Variants in TARS3 observed in about 807,000 individuals in gnomAD.
The protein encoded by TARS3 is threonyl-tRNA synthetase 3.
In TARS3, 94 loss-of-function variants were observed where a neutral mutation model predicts 103.5. The observed-to-expected ratio is 0.91, with a 90% CI of 0.77 to 1.08. The LOEUF is 1.08. Among genes scored for constraint, TARS3 ranks in the 50% least tolerant of loss-of-function variants. TARS3 has a pLI of 0.00. For synonymous variants in TARS3, 416 were observed against 355.4 expected, an observed-to-expected ratio of 1.17 and a Z score of -1.92; for missense variants, 952 against 995.2, an observed-to-expected ratio of 0.96 and a Z score of 0.58.
intron 10 of TARS3, among the ~76,000 whole-genome samples, chr15:101,691,274 T>G (rs933330840): frequency 7.4e-6 from 1 of 135,542 alleles, no homozygotes; most frequent in Admixed American, 8.1e-5. Context: ...ACCTCAGTAT[T>G]TATATATATA....
At chr15:101,702,414 A>G (rs1299029980) in intron 8 of TARS3, 29 bp from the exon 9 acceptor site, 4 of 1,585,702 alleles carry the variant, frequency 2.5e-6, no homozygotes, top group Non-Finnish European at 2.6e-6. Flanking sequence ...TTTGGTAAAT[A>G]TATCATACAT....
chr15:101,708,354 ATATT>A (rs1899685949), intron 6 of TARS3, among the ~76,000 whole-genome samples: 3 of 151,988 alleles, frequency 2.0e-5, no homozygotes, highest in African/African-American at 7.2e-5. Flanking sequence ...AATCAGGAAT[ATATT>A]TAAGTACGTT....
chr15:101,690,657 T>A (rs1240442299), intron 10 of TARS3, among the ~76,000 whole-genome samples: 1 of 152,244 alleles, frequency 6.6e-6, no homozygotes, highest in Non-Finnish European at 1.5e-5. Context: ...ACTAACTGCA[T>A]AGTGCTTTAT....
intron 10 of TARS3, among the ~76,000 whole-genome samples, chr15:101,691,578 C>A (rs1230258901): frequency 6.6e-6 from 1 of 152,152 alleles, no homozygotes; most frequent in Non-Finnish European, 1.5e-5. Context: ...CTATGCCCAG[C>A]CTTTTAAATT....
chr15:101,721,139 C>G lies in TARS3; in HGVS notation c.553G>C (p.Ala185Pro), dbSNP rs1372965460. The G allele has an allele frequency of 1.9e-6, 3 of 1,594,732 alleles. No individual in the cohort carries two copies. The highest frequency in any genetic ancestry group is 2.6e-6 in the Non-Finnish European group (3 of 1,164,134). ...ACTGCGGTTTACCTAATTTCAGCAG[C>G]CACTTGGTAAGGCGTTGTTTTCCAG... ...EVWKTTPYQV[A>P]AEISQELAES... The change falls in exon 3 of 19, where the codon GCT becomes CCT. Residue 185 changes from alanine to proline, a missense_variant. Ala to Pro is a conservative substitution (Grantham distance 27, BLOSUM62 -1). This residue lies in a region of TARS3 where 412 missense variants were observed against 364.2 expected (regional missense o/e 1.13). Transcript: ENST00000335968.
intron 15 of TARS3, among the ~76,000 whole-genome samples, chr15:101,665,602 A>C (rs75552729): frequency 2.6e-5 from 4 of 152,188 alleles, no homozygotes; most frequent in Non-Finnish European, 5.9e-5. Context: ...AACAACATAC[A>C]GTGTAGATGA....
chr15:101,700,091 T>C (rs762751603), intron 10 of TARS3, among the ~76,000 whole-genome samples: 6 of 152,150 alleles, frequency 3.9e-5, no homozygotes, highest in Non-Finnish European at 8.8e-5. Flanking sequence ...GCAAGGAGAT[T>C]TGTAGTTTTT....
intron 12 of TARS3, among the ~76,000 whole-genome samples, chr15:101,682,842 T>C (rs1381250006): frequency 1.3e-5 from 2 of 152,204 alleles, no homozygotes; most frequent in African/African-American, 4.8e-5. Context: ...GATGATCTAC[T>C]TCTTCTTGAG....
intron 18 of TARS3, chr15:101,656,116 G>A: frequency 8.4e-7 from 1 of 1,190,274 alleles, no homozygotes; most frequent in African/African-American, 1.6e-5. Context: ...CCTGGTGAGG[G>A]TTGAGCTCCT....
At chr15:101,695,091 G>A (rs1898904921) in intron 10 of TARS3, among the ~76,000 whole-genome samples, 1 of 152,112 alleles carries the variant, frequency 6.6e-6, no homozygotes, top group Non-Finnish European at 1.5e-5. Flanking sequence ...TTTATATTAT[G>A]TGTATTTTAC....
In TARS3 at chr15:101,678,195, G is replaced by A. The variant is rs529094614; in HGVS notation, c.1651-2458C>T. ...GGGTTTCACCATGTTGGTCAGGCTG[G>A]TCTTGAACTCCTGACCTCATGATCT... is the stretch of plus-strand genomic sequence containing the variant. On this transcript the variant is annotated intron_variant, in intron 12 of 18. Transcript: ENST00000335968. Among the ~76,000 whole-genome samples, 15 of 150,864 alleles carry A rather than the reference G, an allele frequency of 9.9e-5. 1 individual carries two copies. The South Asian group carries it at 3.2e-3, about 32-fold the overall frequency.
At chr15:101,680,016 G>C (rs1898195143) in intron 12 of TARS3, among the ~76,000 whole-genome samples, 1 of 152,156 alleles carries the variant, frequency 6.6e-6, no homozygotes. Flanking sequence ...AGCAGGACTG[G>C]AAGAGGCACC....
chr15:101,656,903 A>G lies in TARS3; in HGVS notation c.2260+19T>C, dbSNP rs1897213978. On this transcript the variant is annotated intron_variant, in intron 18 of 18. Transcript: ENST00000335968. ...GGGAAAAAAAAGCATTTGGAAAAAT[A>G]TATACAAACTTAAATTACCCAAAAT... 1 of 1,513,542 alleles carries G rather than the reference A, an allele frequency of 6.6e-7. No individual in the cohort carries two copies. The highest frequency in any genetic ancestry group is 9.1e-7 in the Non-Finnish European group (1 of 1,102,090). The allele number at this position is 1,513,542 out of a possible 1,614,324, so 93.8% of individuals were successfully genotyped here. A position where few individuals can be genotyped will look rare whatever the true frequency, so the allele number is the denominator to read the frequency against.
chr15:101,717,103 C>G (rs1299102801), intron 3 of TARS3, among the ~76,000 whole-genome samples: 1 of 152,144 alleles, frequency 6.6e-6, no homozygotes, highest in African/African-American at 2.4e-5. Context: ...GTGATCTGCC[C>G]ACCTTCACCT....
intron 12 of TARS3, among the ~76,000 whole-genome samples, chr15:101,677,179 T>A (rs1261596757): frequency 6.6e-6 from 1 of 152,208 alleles, no homozygotes; most frequent in Non-Finnish European, 1.5e-5. Context: ...CAACATTTAT[T>A]TCTGGGAATG....
chr15:101,698,676 A>C (rs564498639), intron 10 of TARS3, among the ~76,000 whole-genome samples: 1 of 152,306 alleles, frequency 6.6e-6, no homozygotes, highest in Admixed American at 6.5e-5. Flanking sequence ...AGATAACTTG[A>C]GTTTTTAGTT....
chr15:101,712,978 T>C (rs1344956649), intron 4 of TARS3, among the ~76,000 whole-genome samples: 3 of 152,202 alleles, frequency 2.0e-5, no homozygotes, highest in Non-Finnish European at 4.4e-5. Context: ...GCTGCTAGGA[T>C]GGCAGGCTGA....
At chr15:101,675,344 G>C (rs1897978335) in intron 13 of TARS3, among the ~76,000 whole-genome samples, 1 of 152,172 alleles carries the variant, frequency 6.6e-6, no homozygotes, top group African/African-American at 2.4e-5. Flanking sequence ...TCCTGGGCCA[G>C]CTATTAGTGA....
intron 15 of TARS3, among the ~76,000 whole-genome samples, chr15:101,662,676 T>C (rs1384484772): frequency 6.6e-6 from 1 of 152,174 alleles, no homozygotes; most frequent in African/African-American, 2.4e-5. Context: ...TCCATTCCTA[T>C]GCAGGTATAT....
Sources: gnomAD v4.1 joint callset for allele counts (sites outside exome capture counted in the v4.1 genomes callset) on GRCh38, gnomAD v4.1.1 for gene constraint, gnomAD v4.1.1 regional missense constraint, MANE v1.5 for transcripts, NCBI Gene and HGNC (gene_info 2026-07-23, HGNC 2026-07-21) for gene names.